Variants in XRCC5 observed in about 807,000 individuals in gnomAD.
The protein encoded by XRCC5 is DNA repair protein Ku80.
In XRCC5, 12 loss-of-function variants were observed where a neutral mutation model predicts 95.7. The observed-to-expected ratio is 0.13, with a 90% CI of 0.08 to 0.20. The LOEUF (loss-of-function observed/expected upper bound fraction) is 0.20, where lower values mean the gene tolerates loss of function less well. XRCC5 is among the 10% of genes least tolerant of loss of function. The pLI is 1.00. For synonymous variants in XRCC5, 281 were observed against 290.3 expected, an observed-to-expected ratio of 0.97 and a Z score of 0.33; for missense variants, 595 against 873.9, an observed-to-expected ratio of 0.68 and a Z score of 4.02.
chr2:216,116,878 T>G (rs760071719), intron 3 of XRCC5, 36 bp downstream of exon 3: 1 of 1,604,050 alleles, frequency 6.2e-7, no homozygotes, highest in African/African-American at 1.3e-5. Flanking sequence ...TTTAAGAAAT[T>G]TCCTTTATTC....
At chr2:216,175,538 TTC>T in intron 16 of XRCC5, 1 of 423,124 alleles carries the variant, frequency 2.4e-6, no homozygotes, top group Non-Finnish European at 4.6e-6. Context: ...AAAGTGCACA[TTC>T]TCTCTTTTTC....
intron 16 of XRCC5, among the ~76,000 whole-genome samples, chr2:216,184,990 A>C (rs950948673): frequency 3.9e-5 from 6 of 152,152 alleles, no homozygotes; most frequent in Non-Finnish European, 7.4e-5. Flanking sequence ...TGGGTTCGGC[A>C]TGAGAGATAC....
At chr2:216,113,165 G>GT (rs780756006) in intron 2 of XRCC5, 36 bp downstream of exon 2, 1 of 1,561,870 alleles carries the variant, frequency 6.4e-7, no homozygotes, top group South Asian at 1.1e-5. Flanking sequence ...TGTAACCCAT[G>GT]TTTGAACTGC....
intron 13 of XRCC5, among the ~76,000 whole-genome samples, chr2:216,141,911 G>A (rs959490447): frequency 3.3e-5 from 5 of 152,120 alleles, no homozygotes; most frequent in African/African-American, 9.6e-5. Flanking sequence ...AAAATTAGCC[G>A]GGCATGGTAG....
chr2:216,120,436 C>A (rs192761414), intron 5 of XRCC5, among the ~76,000 whole-genome samples: 72 of 152,244 alleles, frequency 4.7e-4, no homozygotes, highest in Non-Finnish European at 1.2e-4. Context: ...AATATGCTTT[C>A]TTCCTGTGCT....
At chr2:216,134,853 A>G (rs754386126) in intron 10 of XRCC5, among the ~76,000 whole-genome samples, 2 of 152,128 alleles carry the variant, frequency 1.3e-5, no homozygotes, top group African/African-American at 2.4e-5. Context: ...GCCCTTTCTT[A>G]TGGGACTTAA....
intron 14 of XRCC5, among the ~76,000 whole-genome samples, chr2:216,154,340 GATA>G (rs1261378005): frequency 6.6e-6 from 1 of 152,200 alleles, no homozygotes; most frequent in African/African-American, 2.4e-5. Flanking sequence ...AAAGGATGCT[GATA>G]ATAGCTAACT....
At chr2:216,180,401 G>A (rs1365420364) in intron 16 of XRCC5, among the ~76,000 whole-genome samples, 2 of 152,206 alleles carry the variant, frequency 1.3e-5, no homozygotes, top group Non-Finnish European at 2.9e-5. Context: ...CAAGGCGGGT[G>A]GATCACTTGA....
intron 12 of XRCC5, among the ~76,000 whole-genome samples, chr2:216,138,925 T>C (rs1359385487): frequency 1.3e-5 from 2 of 152,218 alleles, no homozygotes; most frequent in African/African-American, 4.8e-5. Context: ...AACTCAATTC[T>C]TTCTGTTATT....
At chr2:216,119,841 C>A (rs966796969) in intron 5 of XRCC5, among the ~76,000 whole-genome samples, 9 of 152,214 alleles carry the variant, frequency 5.9e-5, no homozygotes, top group Admixed American at 2.0e-4. Flanking sequence ...ACAAAAATTT[C>A]TTTTCACTAC....
Position 216,206,062 on chromosome 2 carries a change from AAGTC to A in XRCC5, c.*863_*866del, listed in dbSNP as rs1425336225. The A allele has an allele frequency of 6.6e-6, 1 of 152,192 alleles. No homozygotes were observed. The highest frequency in any genetic ancestry group is 1.9e-4 in the East Asian group (1 of 5,198). 9.4% of individuals were successfully genotyped at this position (152,192 alleles called of 1,614,324 possible). A position where few individuals can be genotyped will look rare whatever the true frequency, so the allele number is the denominator to read the frequency against. On this transcript the variant is annotated 3_prime_UTR_variant, in exon 21 of 21. Transcript: ENST00000392132. ...TTTTCGGTCTTTCCCATTTCTACCT[AAGTC>A]AGCTTTCATCTTTGTGGATGGTGTC... is the stretch of plus-strand genomic sequence containing the variant.
At chr2:216,179,462 A>G (rs920331800) in intron 16 of XRCC5, among the ~76,000 whole-genome samples, 2 of 152,198 alleles carry the variant, frequency 1.3e-5, no homozygotes, top group Non-Finnish European at 2.9e-5. Flanking sequence ...CCATGACAGC[A>G]CTATAGAGAA....
chr2:216,115,200 C>T (rs1269922982), intron 2 of XRCC5, among the ~76,000 whole-genome samples: 4 of 152,202 alleles, frequency 2.6e-5, no homozygotes, highest in Non-Finnish European at 5.9e-5. Context: ...AGACCAAGAA[C>T]CGAGATTACT....
At chr2:216,134,080 T>C (rs1187482479) in intron 10 of XRCC5, among the ~76,000 whole-genome samples, 1 of 152,242 alleles carries the variant, frequency 6.6e-6, no homozygotes, top group Non-Finnish European at 1.5e-5. Context: ...GATTGTTTTC[T>C]TGTAAGATGA....
intron 16 of XRCC5, among the ~76,000 whole-genome samples, chr2:216,172,939 T>C (rs1264025043): frequency 2.0e-5 from 3 of 152,360 alleles, no homozygotes; most frequent in South Asian, 2.1e-4. Context: ...TTATAGTTTT[T>C]AGTGTACAAG....
chr2:216,192,898 G>A (rs1362195337), intron 18 of XRCC5, among the ~76,000 whole-genome samples, 163 bp downstream of exon 18: 1 of 151,994 alleles, frequency 6.6e-6, no homozygotes, highest in African/African-American at 2.4e-5. Flanking sequence ...CTCAGTGTTC[G>A]GTGAACTCAA....
chr2:216,134,191 C>T (rs965895139), intron 10 of XRCC5, among the ~76,000 whole-genome samples: 1 of 152,158 alleles, frequency 6.6e-6, no homozygotes, highest in African/African-American at 2.4e-5. Flanking sequence ...TGTTTTTTAG[C>T]TCAAATATTC....
intron 14 of XRCC5, among the ~76,000 whole-genome samples, chr2:216,150,355 A>AT (rs1268248300): frequency 6.6e-6 from 1 of 152,200 alleles, no homozygotes; most frequent in African/African-American, 2.4e-5. Flanking sequence ...AAGAGATACT[A>AT]TAACAATGAA....
chr2:216,176,850 C>T (rs1472914871), intron 16 of XRCC5, among the ~76,000 whole-genome samples: 1 of 152,138 alleles, frequency 6.6e-6, no homozygotes, highest in Non-Finnish European at 1.5e-5. Flanking sequence ...CTATACATTT[C>T]CTGCTAAGCA....
Sources: allele counts gnomAD v4.1 joint callset (sites outside exome capture counted in the v4.1 genomes callset), GRCh38; gene constraint gnomAD v4.1.1; transcripts MANE v1.5; gene names NCBI Gene and HGNC (gene_info 2026-07-23, HGNC 2026-07-21).